The following PDE4A variants were observed in gnomAD, a reference collection of about 807,000 sequenced individuals.
PDE4A encodes phosphodiesterase 4A, also known as 3',5'-cyclic-AMP phosphodiesterase 4A.
A neutral mutation model predicts 73.9 loss-of-function variants in PDE4A; 21 were observed. The ratio of observed to expected loss-of-function variants is 0.28; its 90% CI spans 0.20 to 0.41. PDE4A has a LOEUF of 0.41. PDE4A is among the 10% of genes least tolerant of loss of function. The pLI, the probability that PDE4A is intolerant of heterozygous loss-of-function variation, is 1.00. For synonymous variants in PDE4A, 463 were observed against 505.4 expected (o/e 0.92, Z 1.13); for missense variants, 958 against 1,211.4 (o/e 0.79, Z 3.10).
upstream of PDE4A, chr19:10,419,155 G>A (rs2042616029): frequency 2.2e-6 from 2 of 922,240 alleles, no homozygotes; most frequent in Non-Finnish European, 2.6e-6. Flanking sequence ...GTGACAGGGG[G>A]CGCACGGGGG....
At chr19:10,436,093 C>T (rs903451453) in intron 1 of PDE4A, among the ~76,000 whole-genome samples, 4 of 152,146 alleles carry the variant, frequency 2.6e-5, no homozygotes, top group Admixed American at 2.6e-4. Flanking sequence ...CAGAGTCTCA[C>T]CATCCTAAAC....
At position 10,461,881 on chromosome 19, in the gene PDE4A, T is replaced by A; in HGVS notation, c.1625T>A (p.Leu542Gln). The change falls in exon 13 of 15, where the codon CTG becomes CAG. Residue 542 changes from leucine to glutamine, a missense_variant. By Grantham distance (113) the Leu-to-Gln change is moderately radical. Transcript: ENST00000380702. ...SLRKMVIDMVLATDMSKHMTL... is the reference protein window; with the variant it reads ...SLRKMVIDMVQATDMSKHMTL... ...GTGACGCCCCCTTGCCCGCAGGTGCTGGCCACGGACATGTCCAAGCACATG... is the reference window on the plus strand; with the variant it reads ...GTGACGCCCCCTTGCCCGCAGGTGCAGGCCACGGACATGTCCAAGCACATG... The A allele has an allele frequency of 6.2e-7, 1 of 1,613,210 alleles. No homozygotes were observed. Among genetic ancestry groups the A allele is most frequent in the Non-Finnish European group, 8.5e-7 (1 of 1,179,592 alleles).
chr19:10,453,003 C>T lies in PDE4A; in HGVS notation c.784-1826C>T. On this transcript the variant is annotated intron_variant, in intron 6 of 14. Transcript: ENST00000380702. The surrounding 1 kb of genome is among the most constrained non-coding windows in gnomAD (Gnocchi z 4.6). ...CCTTGCCCTGCCCCCCTCCCATGGG[C>T]ACGGACCCCCCACCGCCTCCACCCA... 1 of 1,297,910 alleles carries T rather than the reference C, an allele frequency of 7.7e-7. No individual in the cohort carries two copies. The highest frequency in any genetic ancestry group is 9.8e-7 in the Non-Finnish European group (1 of 1,021,094). 80.4% of individuals were successfully genotyped at this position (1,297,910 alleles called of 1,614,324 possible).
Position 10,466,869 on chromosome 19 carries a change from T to G in PDE4A, c.1927-18T>G. On this transcript the variant is annotated intron_variant, in intron 14 of 14. Coordinates refer to ENST00000380702, the MANE Select transcript of PDE4A (RefSeq NM_001111307.2). ...CACCCCATAGGCCGCCCATTTATACTTTCTTCCCCTCCACCAGGTGGGTTT... is the reference window on the plus strand; with the variant it reads ...CACCCCATAGGCCGCCCATTTATACGTTCTTCCCCTCCACCAGGTGGGTTT... The G allele has an allele frequency of 2.5e-6, 4 of 1,606,444 alleles. No homozygotes were observed. Among genetic ancestry groups the G allele is most frequent in the Non-Finnish European group, 3.4e-6 (4 of 1,175,960 alleles).
At chr19:10,457,432 G>C (rs1478222683) in intron 7 of PDE4A, among the ~76,000 whole-genome samples, 1 of 3,600 alleles carries the variant, frequency 2.8e-4, no homozygotes, top group African/African-American at 6.7e-4. Flanking sequence ...CAAGGTGGGC[G>C]GGGGGGGGGG....
intron 1 of PDE4A, among the ~76,000 whole-genome samples, chr19:10,444,472 T>A (rs1178059652): frequency 6.7e-6 from 1 of 149,752 alleles, no homozygotes; most frequent in Non-Finnish European, 1.5e-5. Context: ...CATTCCAGCC[T>A]GGGCAACAAG....
Position 10,461,913 on chromosome 19 carries a change from C to T in PDE4A, c.1657C>T (p.Leu553=). ...GGACATGTCCAAGCACATGACCCTCCTGGCTGACCTGAAGACCATGGTGGA... is the reference window on the plus strand; with the variant it reads ...GGACATGTCCAAGCACATGACCCTCTTGGCTGACCTGAAGACCATGGTGGA... The part of the protein sequence containing the change: ...ATDMSKHMTL[L]ADLKTMVETK... Residue 553 remains leucine (L), a synonymous_variant, in exon 13 of 15, where the codon CTG becomes TTG. Transcript: ENST00000380702. 1 of 1,614,084 alleles carries T rather than the reference C, an allele frequency of 6.2e-7. No homozygotes were observed. Among genetic ancestry groups the T allele is most frequent in the Non-Finnish European group, 8.5e-7 (1 of 1,180,006 alleles).
At chr19:10,436,567 A>AAC (rs2042867882) in intron 1 of PDE4A, among the ~76,000 whole-genome samples, 1 of 151,932 alleles carries the variant, frequency 6.6e-6, no homozygotes, top group Non-Finnish European at 1.5e-5. Context: ...AAAAAACAAC[A>AAC]AAAACCAGGA....
chr19:10,462,281 A>ACT, intron 13 of PDE4A, among the ~76,000 whole-genome samples: 2 of 151,158 alleles, frequency 1.3e-5, no homozygotes. Flanking sequence ...CAGCCTGCCG[A>ACT]GTAGCTGGGA....
upstream of PDE4A, among the ~76,000 whole-genome samples, chr19:10,418,153 G>A (rs1414866784): frequency 2.0e-5 from 3 of 152,218 alleles, no homozygotes; most frequent in Admixed American, 6.5e-5. Flanking sequence ...CAGAGCTGGG[G>A]CAGGTTGATC....
rs760892156 is a variant in PDE4A at position 10,450,648 on chromosome 19, G to A, written c.666G>A (p.Leu222=). Residue 222 remains leucine, a synonymous_variant, in exon 5 of 15, where the codon CTG becomes CTA. Transcript: ENST00000380702. ...CCACCCCTGTCTGCAAGGCCACGCTGTCAGGTAGCTAAGCCCAGAGGGGTG... is the reference window on the plus strand; with the variant it reads ...CCACCCCTGTCTGCAAGGCCACGCTATCAGGTAGCTAAGCCCAGAGGGGTG... The part of the protein sequence containing the change: ...GGPTPVCKAT[L]SEETCQQLAR... 6.2e-6 allele frequency: 10 copies of A among 1,609,616 alleles called. No individual in the cohort carries two copies. The highest frequency in any genetic ancestry group is 1.7e-5 in the Admixed American group (1 of 59,520).
At chr19:10,425,430 G>T (rs943393126) in intron 1 of PDE4A, among the ~76,000 whole-genome samples, 4 of 152,158 alleles carry the variant, frequency 2.6e-5, no homozygotes, top group Non-Finnish European at 1.5e-5. Flanking sequence ...TATGTTTGAC[G>T]TAGGTGCTGG....
chr19:10,467,099 GGAGGAGGAA>G lies in PDE4A; in HGVS notation c.2151_2159del (p.Glu718_Glu720del). ...ACAAGTTCCAGTTTGAGCTGACGCT[GGAGGAGGAA>G]GAGGAGGAAGAAATATCAATGGCCC... is the stretch of plus-strand genomic sequence containing the variant. On this transcript the variant is annotated inframe_deletion, in exon 15 of 15. Transcript: ENST00000380702. 1.2e-6 allele frequency: 2 copies of G among 1,614,150 alleles called. 1 individual carries two copies. Among genetic ancestry groups the G allele is most frequent in the Middle Eastern group, 3.3e-4 (2 of 6,062 alleles).
Position 10,446,400 on chromosome 19 carries a change from C to G in PDE4A, c.503C>G (p.Thr168Ser). ...PKTMSRNSSVTSEAHAEDLIV... is the reference protein window; with the variant it reads ...PKTMSRNSSVSSEAHAEDLIV... ...ACCATGTCCCGGAACTCATCGGTCA[C>G]CAGCGAGGCGTGAGCATCCTTCTCC... The change falls in exon 2 of 15, where the codon ACC becomes AGC. Residue 168 changes from threonine (T) to serine (S), a missense_variant. Physicochemically the swap from Thr to Ser is moderately conservative, Grantham distance 58 (BLOSUM62 1). This residue lies in a region of PDE4A where 570 missense variants were observed against 827.7 expected (regional missense o/e 0.69). Transcript: ENST00000380702. 1 of 1,604,880 alleles carries G rather than the reference C, an allele frequency of 6.2e-7. No individual in the cohort carries two copies. The highest frequency in any genetic ancestry group is 1.7e-4 in the Middle Eastern group (1 of 6,038).
chr19:10,424,265 G>A lies in PDE4A; in HGVS notation c.320+3181G>A, dbSNP rs906892500. Among the ~76,000 whole-genome samples, 1 of 152,232 alleles carries A rather than the reference G, an allele frequency of 6.6e-6. No individual in the cohort carries two copies. The highest frequency in any genetic ancestry group is 1.5e-5 in the Non-Finnish European group (1 of 68,034). On this transcript the variant is annotated intron_variant, in intron 1 of 14. Coordinates refer to ENST00000380702, the MANE Select transcript of PDE4A (RefSeq NM_001111307.2). The surrounding 1 kb of genome is among the most constrained non-coding windows in gnomAD (Gnocchi z 4.8). Reference sequence around the variant, plus strand: ...TGGGGAGCTGTCTGAACTGGGGACGGGGCCAACATACGGACCCTGCGTCCC... The same window carrying A: ...TGGGGAGCTGTCTGAACTGGGGACGAGGCCAACATACGGACCCTGCGTCCC...
chr19:10,421,433 G>A, intron 1 of PDE4A: 1 of 711,556 alleles, frequency 1.4e-6, no homozygotes, highest in Non-Finnish European at 1.7e-6. Context: ...CCTTCCTGGG[G>A]GCACTATACT....
At chr19:10,425,267 A>G (rs533795849) in intron 1 of PDE4A, among the ~76,000 whole-genome samples, 1 of 151,890 alleles carries the variant, frequency 6.6e-6, no homozygotes, top group East Asian at 1.9e-4. Flanking sequence ...TCCACTGCAG[A>G]CCGCTGGGTA....
rs979121710 is a variant in PDE4A, at chr19:10,453,077, C to T, written c.784-1752C>T. On this transcript the variant is annotated intron_variant, in intron 6 of 14. Coordinates refer to ENST00000380702, the MANE Select transcript of PDE4A (RefSeq NM_001111307.2). The surrounding 1 kb of genome is among the most constrained non-coding windows in gnomAD (Gnocchi z 4.6). ...GCCCAGGGCTGGCGGGCCATGTAACCAGGGCTGCTGCTGGGAGCGCGGAGG... is the reference window on the plus strand; with the variant it reads ...GCCCAGGGCTGGCGGGCCATGTAACTAGGGCTGCTGCTGGGAGCGCGGAGG... The T allele has an allele frequency of 7.4e-7, 1 of 1,343,502 alleles. No individual in the cohort carries two copies. The highest frequency in any genetic ancestry group is 9.5e-7 in the Non-Finnish European group (1 of 1,049,518). 83.2% of individuals were successfully genotyped at this position (1,343,502 alleles called of 1,614,324 possible).
chr19:10,423,019 A>G (rs2042670275), intron 1 of PDE4A: 1 of 712,620 alleles, frequency 1.4e-6, no homozygotes, highest in South Asian at 6.3e-5. Context: ...GTGGGTATCC[A>G]TCTCGCAATG....
Sources: allele counts gnomAD v4.1 joint callset (sites outside exome capture counted in the v4.1 genomes callset), GRCh38; gene constraint gnomAD v4.1.1; regional missense constraint gnomAD v4.1.1; non-coding constraint Gnocchi (gnomAD v3.1); transcripts MANE v1.5; gene names NCBI Gene and HGNC (gene_info 2026-07-23, HGNC 2026-07-21).